Variants in RABEPK observed in about 807,000 individuals in gnomAD.
The protein encoded by RABEPK is Rab9 effector protein with kelch motifs, also known as 40 kDa Rab9 effector protein.
In RABEPK, 27 loss-of-function variants were observed where a neutral mutation model predicts 34.1. That is an observed-to-expected ratio of 0.79 (90% CI 0.58 to 1.09). RABEPK has a LOEUF of 1.09. Among genes scored for constraint, RABEPK ranks in the 50% least tolerant of loss-of-function variants. RABEPK has a pLI of 0.00. For synonymous variants in RABEPK, 172 were observed against 169.2 expected (o/e 1.02, Z -0.13); for missense variants, 449 against 462.6 (o/e 0.97, Z 0.27).
chr9:125,227,935 G>T lies in RABEPK; in HGVS notation c.552G>T (p.Glu184Asp). 6.2e-7 allele frequency: 1 copy of T among 1,606,210 alleles called. No individual in the cohort carries two copies. The highest frequency in any genetic ancestry group is 8.5e-7 in the Non-Finnish European group (1 of 1,175,914). Residue 184 changes from glutamate to aspartate, a missense_variant, in exon 6 of 8, where the codon GAG (glutamate) becomes GAT (aspartate). By Grantham distance (45) the Glu-to-Asp change is conservative (BLOSUM62 2). Coordinates refer to ENST00000373538, the MANE Select transcript of RABEPK (RefSeq NM_005833.4). ...ACACTCTGACCTGGTCACAGCCAGA[G>T]ACACTTGGAAATCCTCCATCTCCCC... ...DANTLTWSQP[E>D]TLGNPPSPRH...
rs775183758 is a variant in RABEPK, at chr9:125,207,602, G to C, written c.92G>C (p.Arg31Pro). ...LTVPGDSPCA[R>P]VGHSCSYLPP... ...GTCCCTGGAGACAGCCCCTGTGCTC[G>C]AGTTGGCCACAGCTGTTCATATTTA... Residue 31 changes from arginine (R) to proline (P), a missense_variant, in exon 3 of 8, where the codon CGA (arginine) becomes CCA (proline). By Grantham distance (103) the Arg-to-Pro change is moderately radical. Transcript: ENST00000373538. 2.5e-6 allele frequency: 4 copies of C among 1,614,064 alleles called. No homozygotes were observed. Among genetic ancestry groups the C allele is most frequent in the South Asian group, 1.1e-5 (1 of 91,078 alleles).
At chr9:125,221,708 C>A (rs1230359865) in intron 5 of RABEPK, 3 of 148,386 alleles carry the variant, frequency 2.0e-5, no homozygotes, top group South Asian at 2.1e-4. Context: ...TGGAGTCTCG[C>A]TCTGTTGCCC....
chr9:125,207,849 G>GGC, intron 3 of RABEPK, 128 bp downstream of exon 3: 1 of 1,166,832 alleles, frequency 8.6e-7, no homozygotes, highest in Non-Finnish European at 1.2e-6. Context: ...GCCAGGACCA[G>GGC]GTGTGGTGGC....
At chr9:125,223,282 A>G (rs1056809429) in intron 5 of RABEPK, among the ~76,000 whole-genome samples, 1 of 151,840 alleles carries the variant, frequency 6.6e-6, no homozygotes, top group African/African-American at 2.4e-5. Context: ...TACTAAAAAT[A>G]CAAAAAATTA....
At chr9:125,225,456 G>T (rs547682815) in intron 5 of RABEPK, among the ~76,000 whole-genome samples, 1 of 152,022 alleles carries the variant, frequency 6.6e-6, no homozygotes, top group Non-Finnish European at 1.5e-5. Context: ...GGCCCAGGGG[G>T]GTGGATCTCT....
chr9:125,201,592 A>G (rs1473477967), intron 1 of RABEPK, among the ~76,000 whole-genome samples: 1 of 152,096 alleles, frequency 6.6e-6, no homozygotes, highest in African/African-American at 2.4e-5. Context: ...AGCCTGGACA[A>G]CAAAGCGAAA....
intron 4 of RABEPK, among the ~76,000 whole-genome samples, chr9:125,214,926 G>C (rs1030539409): frequency 8.5e-5 from 13 of 152,048 alleles, no homozygotes; most frequent in Non-Finnish European, 1.8e-4. Context: ...AAGTAGCTGG[G>C]ATTACAGGCA....
rs775183758 is a variant in RABEPK, at chr9:125,207,602, G to A, written c.92G>A (p.Arg31Gln). 1.4e-5 allele frequency: 22 copies of A among 1,613,946 alleles called. No individual in the cohort carries two copies. The highest frequency in any genetic ancestry group is 4.5e-5 in the East Asian group (2 of 44,894). ...GTCCCTGGAGACAGCCCCTGTGCTC[G>A]AGTTGGCCACAGCTGTTCATATTTA... is the stretch of plus-strand genomic sequence containing the variant. ...LTVPGDSPCA[R>Q]VGHSCSYLPP... The change falls in exon 3 of 8, where the codon CGA (arginine) becomes CAA (glutamine). Residue 31 changes from arginine to glutamine, a missense_variant. Transcript: ENST00000373538.
intron 2 of RABEPK, among the ~76,000 whole-genome samples, chr9:125,203,451 T>A (rs1418329833): frequency 6.6e-6 from 1 of 152,188 alleles, no homozygotes; most frequent in Non-Finnish European, 1.5e-5. Flanking sequence ...CAACTAACAT[T>A]GGCCTGATGG....
chr9:125,217,511 C>T (rs1831005744), intron 4 of RABEPK, among the ~76,000 whole-genome samples: 1 of 152,116 alleles, frequency 6.6e-6, no homozygotes. Flanking sequence ...AATGATTCTC[C>T]AGCCTCAGCC....
At chr9:125,202,495 CT>C (rs1829974148) in intron 1 of RABEPK, among the ~76,000 whole-genome samples, 1 of 150,896 alleles carries the variant, frequency 6.6e-6, no homozygotes, top group Non-Finnish European at 1.5e-5. Context: ...GCACTCCAAC[CT>C]GTGCAACAGA....
intron 2 of RABEPK, 119 bp from the exon 3 acceptor site, chr9:125,207,445 A>C: frequency 9.3e-7 from 1 of 1,069,722 alleles, no homozygotes; most frequent in Admixed American, 2.0e-5. Context: ...TATTGGGTAC[A>C]ATTTAAAGTG....
intron 5 of RABEPK, chr9:125,222,246 GT>G (rs1157431460): frequency 2.0e-5 from 3 of 150,448 alleles, no homozygotes; most frequent in African/African-American, 7.3e-5. Flanking sequence ...TTTTAAAGCA[GT>G]TTTAAAAGTT....
At chr9:125,223,106 C>G (rs1257943254) in intron 5 of RABEPK, among the ~76,000 whole-genome samples, 2 of 152,118 alleles carry the variant, frequency 1.3e-5, no homozygotes, top group Non-Finnish European at 2.9e-5. Flanking sequence ...ATGGTGAAAC[C>G]CTGTCTCTAC....
chr9:125,230,664 T>C (rs1358874879), intron 6 of RABEPK, among the ~76,000 whole-genome samples: 4 of 151,312 alleles, frequency 2.6e-5, no homozygotes, highest in Non-Finnish European at 5.9e-5. Flanking sequence ...GCCTCCTGAG[T>C]AGTTGGGACT....
In RABEPK at chr9:125,203,050, C is replaced by A. The variant is rs1830005935; in HGVS notation, c.37C>A (p.Pro13Thr). ...QLPVLEPGDK[P>T]RKATWYTLTV... ...GCCAGTCTTGGAACCTGGAGACAAG[C>A]CCAGGAAAGCAACATGGTCTGTAAG... The change falls in exon 2 of 8, where the codon CCC (proline) becomes ACC (threonine). Residue 13 changes from proline (P) to threonine (T), a missense_variant. Coordinates refer to ENST00000373538, the MANE Select transcript of RABEPK (RefSeq NM_005833.4). The A allele has an allele frequency of 1.2e-6, 2 of 1,613,322 alleles. No individual in the cohort carries two copies. Among genetic ancestry groups the A allele is most frequent in the Non-Finnish European group, 1.7e-6 (2 of 1,179,530 alleles).
intron 5 of RABEPK, chr9:125,221,563 A>G (rs1831334427): frequency 6.6e-6 from 1 of 152,128 alleles, no homozygotes; most frequent in South Asian, 2.1e-4. Flanking sequence ...CAATTTATAA[A>G]GTAAAAAAGT....
At chr9:125,225,969 AAAAAAGAAAAAG>A (rs912554130) in intron 5 of RABEPK, among the ~76,000 whole-genome samples, 1 of 150,710 alleles carries the variant, frequency 6.6e-6, no homozygotes, top group Non-Finnish European at 1.5e-5. Flanking sequence ...TTTCAAAAAA[AAAAAAGAAAAAG>A]AAAAAGAAAA....
chr9:125,223,526 C>T (rs1831508945), intron 5 of RABEPK, among the ~76,000 whole-genome samples: 1 of 151,966 alleles, frequency 6.6e-6, no homozygotes, highest in Non-Finnish European at 1.5e-5. Flanking sequence ...TAAACCTGCT[C>T]ATGGACACTT....
Sources: allele counts gnomAD v4.1 joint callset (sites outside exome capture counted in the v4.1 genomes callset), GRCh38; gene constraint gnomAD v4.1.1; transcripts MANE v1.5; gene names NCBI Gene and HGNC (gene_info 2026-07-23, HGNC 2026-07-21).